METTL15: variants seen among roughly 807,000 people sequenced by gnomAD.
METTL15 encodes 12S rRNA N(4)-cytidine methyltransferase METTL15.
In METTL15, 34 loss-of-function variants were observed where a neutral mutation model predicts 38.3. The observed-to-expected ratio is 0.89, with a 90% CI of 0.68 to 1.18. The LOEUF (loss-of-function observed/expected upper bound fraction) is 1.18, where lower values mean the gene tolerates loss of function less well. METTL15 is among the 50% of genes most tolerant of loss of function. The probability of loss-of-function intolerance (pLI) is 0.00; values close to 1 mark genes in which losing one functional copy is unlikely to be tolerated. For synonymous variants in METTL15, 162 were observed against 170.9 expected (o/e 0.95, Z 0.41); for missense variants, 438 against 498.4 (o/e 0.88, Z 1.15).
chr11:28,362,074 C>T (rs1850144238), intron 5 of METTL15: 1 of 151,972 alleles, frequency 6.6e-6, no homozygotes, highest in South Asian at 2.1e-4. Flanking sequence ...ACATATTGAC[C>T]CTCAGTAATG....
At chr11:28,174,025 T>C (rs1403374875) in intron 3 of METTL15, among the ~76,000 whole-genome samples, 1 of 152,196 alleles carries the variant, frequency 6.6e-6, no homozygotes, top group Admixed American at 6.5e-5. Context: ...GATTTCTCCA[T>C]TGTAAAGTTA....
intron 3 of METTL15, among the ~76,000 whole-genome samples, chr11:28,152,222 C>G (rs1850114979): frequency 6.6e-6 from 1 of 151,400 alleles, no homozygotes; most frequent in African/African-American, 2.4e-5. Context: ...TATATGTCCT[C>G]AAAGCCTATG....
intron 3 of METTL15, among the ~76,000 whole-genome samples, chr11:28,182,272 T>A (rs2133785705): frequency 6.6e-6 from 1 of 152,324 alleles, no homozygotes; most frequent in Admixed American, 6.5e-5. Flanking sequence ...TGACCCCATT[T>A]GCCAATTTTG....
chr11:28,304,737 T>A (rs1333261479), intron 6 of METTL15, among the ~76,000 whole-genome samples: 2 of 152,176 alleles, frequency 1.3e-5, no homozygotes, highest in East Asian at 3.9e-4. Context: ...AATAAAATAA[T>A]AAAATTTATT....
At chr11:28,337,227 T>C (rs1186843383), downstream of METTL15, among the ~76,000 whole-genome samples, 1 of 152,140 alleles carries the variant, frequency 6.6e-6, no homozygotes, top group Non-Finnish European at 1.5e-5. Context: ...TAAGCTAAAG[T>C]AGTTTATTAT....
intron 4 of METTL15, among the ~76,000 whole-genome samples, chr11:28,212,501 C>T (rs1852684792): frequency 2.0e-5 from 3 of 151,978 alleles, no homozygotes; most frequent in African/African-American, 7.2e-5. Context: ...TACAGCAGTC[C>T]CTTTGTACCT....
At chr11:28,239,413 G>C in intron 4 of METTL15, among the ~76,000 whole-genome samples, 1 of 152,268 alleles carries the variant, frequency 6.6e-6, no homozygotes, top group East Asian at 1.9e-4. Flanking sequence ...TACCTTCAAG[G>C]TGTATATGAA....
In METTL15 at chr11:28,128,461, A is replaced by AT. The variant is rs1565111230; in HGVS notation, c.270+14859dup. On this transcript the variant is annotated intron_variant, in intron 3 of 6. Coordinates refer to ENST00000407364, the MANE Select transcript of METTL15 (RefSeq NM_001113528.2). ...AATGTGTTGTTTGCTGAAAATCAAC[A>AT]TTATGTATGTATGTTATATACATTT... Among the ~76,000 whole-genome samples, 11 of 152,288 alleles carry AT rather than the reference A, an allele frequency of 7.2e-5. No individual in the cohort carries two copies. In the South Asian group the frequency reaches 2.1e-3, roughly 29 times the overall value.
chr11:28,462,345 T>C (rs1851223138), intron 6 of METTL15, among the ~76,000 whole-genome samples: 1 of 151,318 alleles, frequency 6.6e-6, no homozygotes, highest in African/African-American at 2.4e-5. Context: ...ATCTAGGAGG[T>C]GTGAGTAAAA....
chr11:28,495,706 A>G (rs867935699), intron 6 of METTL15, among the ~76,000 whole-genome samples: 1 of 152,158 alleles, frequency 6.6e-6, no homozygotes, highest in Non-Finnish European at 1.5e-5. Flanking sequence ...TCCTAATAAC[A>G]TTTAAACCCA....
intron 4 of METTL15, among the ~76,000 whole-genome samples, chr11:28,236,283 C>G (rs1045548419): frequency 6.6e-6 from 1 of 152,058 alleles, no homozygotes; most frequent in African/African-American, 2.4e-5. Flanking sequence ...TTGGTTGTGT[C>G]TCTGCCTGGC....
intron 3 of METTL15, among the ~76,000 whole-genome samples, chr11:28,180,183 G>A (rs1851231839): frequency 1.3e-5 from 2 of 151,840 alleles, no homozygotes; most frequent in Admixed American, 6.6e-5. Context: ...ATTATGTTTT[G>A]TTGTTGAGTG....
At chr11:28,181,748 A>G (rs1209003483) in intron 3 of METTL15, among the ~76,000 whole-genome samples, 1 of 152,048 alleles carries the variant, frequency 6.6e-6, no homozygotes, top group Non-Finnish European at 1.5e-5. Flanking sequence ...TAGTAGAATG[A>G]TTTATAATTC....
chr11:28,460,077 T>C (rs1192867641), intron 6 of METTL15, among the ~76,000 whole-genome samples: 1 of 152,030 alleles, frequency 6.6e-6, no homozygotes, highest in Non-Finnish European at 1.5e-5. Context: ...AAACACATTT[T>C]TATCATTTTT....
At chr11:28,112,331 G>A (rs1358500751) in intron 2 of METTL15, among the ~76,000 whole-genome samples, 2 of 152,056 alleles carry the variant, frequency 1.3e-5, no homozygotes, top group Non-Finnish European at 2.9e-5. Flanking sequence ...AAGCACTGAT[G>A]TGCATCTTAT....
intron 6 of METTL15, among the ~76,000 whole-genome samples, chr11:28,479,898 A>G (rs1851381185): frequency 6.6e-6 from 1 of 152,208 alleles, no homozygotes; most frequent in African/African-American, 2.4e-5. Flanking sequence ...ACTAAATCTA[A>G]CAAAGTGCTT....
At chr11:28,126,480 C>T (rs1227795693) in intron 3 of METTL15, among the ~76,000 whole-genome samples, 1 of 151,886 alleles carries the variant, frequency 6.6e-6, no homozygotes, top group Non-Finnish European at 1.5e-5. Flanking sequence ...GAAGATACCC[C>T]ATAAATATTT....
At chr11:28,448,600 T>G (rs1851094042) in intron 6 of METTL15, among the ~76,000 whole-genome samples, 1 of 152,188 alleles carries the variant, frequency 6.6e-6, no homozygotes, top group Admixed American at 6.5e-5. Flanking sequence ...TGCTTTTATT[T>G]TTCTCTGATT....
intron 6 of METTL15, among the ~76,000 whole-genome samples, chr11:28,512,626 G>A (rs1851685227): frequency 6.6e-6 from 1 of 152,230 alleles, no homozygotes; most frequent in Admixed American, 6.5e-5. Context: ...GCCACTCTGA[G>A]TGCAGGGCCT....
Sources: allele counts gnomAD v4.1 joint callset (sites outside exome capture counted in the v4.1 genomes callset), GRCh38; gene constraint gnomAD v4.1.1; transcripts MANE v1.5; gene names NCBI Gene and HGNC (gene_info 2026-07-23, HGNC 2026-07-21).